The following RBMS3 variants were observed in gnomAD, a reference collection of about 807,000 sequenced individuals.
RBMS3 encodes the protein RNA binding motif single stranded interacting protein 3, also known as RNA-binding motif, single-stranded-interacting protein 3.
A neutral mutation model predicts 66.8 loss-of-function variants in RBMS3; 27 were observed. The ratio of observed to expected loss-of-function variants is 0.40; its 90% CI spans 0.30 to 0.56. RBMS3 has a LOEUF of 0.56. Ranked by LOEUF, RBMS3 falls within the 20% of genes least tolerant of loss-of-function variation. RBMS3 has a pLI of 0.40. For missense variants in RBMS3, 513 were observed against 549.5 expected (o/e 0.93, Z 0.66); for synonymous variants, 188 against 183.0 (o/e 1.03, Z -0.22).
chr3:29,709,684 C>T (rs2149304194), intron 4 of RBMS3, among the ~76,000 whole-genome samples: 1 of 152,296 alleles, frequency 6.6e-6, no homozygotes, highest in Non-Finnish European at 1.5e-5. Flanking sequence ...TATCCAGAAT[C>T]TCTTATGTTT....
chr3:29,315,265 T>A (rs948717196), intron 1 of RBMS3, among the ~76,000 whole-genome samples: 1 of 151,798 alleles, frequency 6.6e-6, no homozygotes, highest in Non-Finnish European at 1.5e-5. Context: ...ATTTATTTCA[T>A]TTAACTACAG....
chr3:29,914,237 A>G (rs1285160587), intron 10 of RBMS3, among the ~76,000 whole-genome samples: 1 of 151,890 alleles, frequency 6.6e-6, no homozygotes, highest in Non-Finnish European at 1.5e-5. Flanking sequence ...CTAGGTGGCT[A>G]GGTAGAAAGT....
chr3:29,985,853 G>T (rs571051195), intron 12 of RBMS3, among the ~76,000 whole-genome samples: 1 of 152,084 alleles, frequency 6.6e-6, no homozygotes, highest in Non-Finnish European at 1.5e-5. Flanking sequence ...CTCCAGTTTG[G>T]CAAGGAAAGT....
At chr3:29,708,006 G>C (rs910132288) in intron 4 of RBMS3, among the ~76,000 whole-genome samples, 3 of 152,210 alleles carry the variant, frequency 2.0e-5, no homozygotes, top group Non-Finnish European at 2.9e-5. Flanking sequence ...AAACATTACT[G>C]GTTACTGGTC....
intron 7 of RBMS3, among the ~76,000 whole-genome samples, chr3:29,879,947 A>G (rs1372251005): frequency 6.6e-6 from 1 of 152,180 alleles, no homozygotes; most frequent in Non-Finnish European, 1.5e-5. Flanking sequence ...TTTAAGCAGT[A>G]TTTCCACAAT....
At chr3:29,430,907 A>G (rs188366326) in intron 1 of RBMS3, among the ~76,000 whole-genome samples, 126 of 152,342 alleles carry the variant, frequency 8.3e-4, no homozygotes, top group Non-Finnish European at 1.5e-3. Context: ...AGTAAGGCAT[A>G]TAAGGGAAGT....
chr3:29,869,300 A>G (rs574369761), intron 7 of RBMS3, among the ~76,000 whole-genome samples: 1 of 152,114 alleles, frequency 6.6e-6, no homozygotes, highest in Non-Finnish European at 1.5e-5. Context: ...TTAACAAAAT[A>G]TTTTCAGTGA....
intron 3 of RBMS3, among the ~76,000 whole-genome samples, chr3:29,551,124 G>A (rs1395701640): frequency 6.6e-6 from 1 of 152,198 alleles, no homozygotes; most frequent in Non-Finnish European, 1.5e-5. Context: ...GCCTTGATGG[G>A]CAGGTAGGAA....
At chr3:29,285,693 T>C (rs1248122874) in intron 1 of RBMS3, among the ~76,000 whole-genome samples, 1 of 152,110 alleles carries the variant, frequency 6.6e-6, no homozygotes, top group African/African-American at 2.4e-5. Flanking sequence ...AAGTAGTTAA[T>C]CAACTGCACG....
chr3:29,654,187 C>A (rs1289130424), intron 4 of RBMS3, among the ~76,000 whole-genome samples: 1 of 152,182 alleles, frequency 6.6e-6, no homozygotes, highest in Non-Finnish European at 1.5e-5. Flanking sequence ...GGCAGAAACA[C>A]TCTGCATGTA....
intron 6 of RBMS3, among the ~76,000 whole-genome samples, chr3:29,786,098 C>CAA (rs368403371): frequency 3.2e-4 from 32 of 100,632 alleles, no homozygotes; most frequent in African/African-American, 7.0e-4. Context: ...ACAATAGCTG[C>CAA]AAAAAAAAAA....
intron 6 of RBMS3, chr3:29,767,236 G>A (rs1220975994): frequency 6.6e-6 from 1 of 151,986 alleles, no homozygotes; most frequent in Non-Finnish European, 1.5e-5. Context: ...GTAGGGACAT[G>A]TATTGATGAA....
chr3:29,707,528 C>T (rs771873658), intron 4 of RBMS3, among the ~76,000 whole-genome samples: 13 of 152,256 alleles, frequency 8.5e-5, no homozygotes, highest in Admixed American at 7.2e-4. Flanking sequence ...ACTATAAAAA[C>T]AAACAAAACA....
At chr3:29,457,341 C>T (rs1044104888) in intron 2 of RBMS3, among the ~76,000 whole-genome samples, 1 of 152,134 alleles carries the variant, frequency 6.6e-6, no homozygotes, top group African/African-American at 2.4e-5. Context: ...AATAAAGGCC[C>T]ATCAATCTGT....
chr3:29,788,294 T>A (rs918403602), intron 6 of RBMS3, among the ~76,000 whole-genome samples: 2 of 151,914 alleles, frequency 1.3e-5, no homozygotes, highest in African/African-American at 4.8e-5. Context: ...GGCGCCAGCT[T>A]GGCTCACTGC....
intron 2 of RBMS3, among the ~76,000 whole-genome samples, chr3:29,444,006 A>G (rs1245843096): frequency 1.3e-5 from 2 of 152,156 alleles, no homozygotes; most frequent in Non-Finnish European, 2.9e-5. Context: ...GACAGAAATC[A>G]AGAGCTCTTC....
In RBMS3 at chr3:29,281,765, T is replaced by TGACCCACGGTCTGGCGATCA; in HGVS notation, c.75+11_75+30dup. On this transcript the variant is annotated intron_variant, in intron 1 of 14. Transcript: ENST00000383767. ...ATTATCTCCAAACCAAGGTATGGCT[T>TGACCCACGGTCTGGCGATCA]GACCCACGGTCTGGCGATCAGCGTG... 1 of 1,606,630 alleles carries TGACCCACGGTCTGGCGATCA rather than the reference T, an allele frequency of 6.2e-7. No homozygotes were observed. Among genetic ancestry groups the TGACCCACGGTCTGGCGATCA allele is most frequent in the South Asian group, 1.1e-5 (1 of 90,726 alleles).
At chr3:29,841,494 A>T (rs989371890) in intron 6 of RBMS3, among the ~76,000 whole-genome samples, 1 of 152,024 alleles carries the variant, frequency 6.6e-6, no homozygotes. Context: ...GGACATCCAG[A>T]TATAGACAGG....
intron 14 of RBMS3, among the ~76,000 whole-genome samples, chr3:29,997,602 G>A (rs1329752698): frequency 6.6e-6 from 1 of 151,224 alleles, no homozygotes; most frequent in Non-Finnish European, 1.5e-5. Flanking sequence ...TGGGAGGCAA[G>A]GCTGGTTCAA....
Sources: gnomAD v4.1 joint callset for allele counts (sites outside exome capture counted in the v4.1 genomes callset) on GRCh38, gnomAD v4.1.1 for gene constraint, MANE v1.5 for transcripts, NCBI Gene and HGNC (gene_info 2026-07-23, HGNC 2026-07-21) for gene names.